The following SPOCK3 variants were observed in gnomAD, a reference collection of about 807,000 sequenced individuals.
SPOCK3 encodes the protein testican-3.
SPOCK3 carries 30 observed loss-of-function variants against 56.6 expected under a neutral mutation model. The ratio of observed to expected loss-of-function variants is 0.53; its 90% CI spans 0.40 to 0.72. SPOCK3 has a LOEUF of 0.72. Ranked by LOEUF, SPOCK3 falls within the 30% of genes least tolerant of loss-of-function variation. The pLI is 0.00. For synonymous variants in SPOCK3, 196 were observed against 183.3 expected (o/e 1.07, Z -0.56); for missense variants, 527 against 530.0 (o/e 0.99, Z 0.06).
intron 2 of SPOCK3, among the ~76,000 whole-genome samples, chr4:167,216,376 G>GA (rs139748101): frequency 6.6e-6 from 1 of 151,796 alleles, no homozygotes; most frequent in Non-Finnish European, 1.5e-5. Flanking sequence ...TATGATTTGG[G>GA]AAAAAAAATA....
chr4:166,748,256 CA>C (rs1437624353), intron 8 of SPOCK3, among the ~76,000 whole-genome samples: 1 of 137,302 alleles, frequency 7.3e-6, no homozygotes. Context: ...CTATGGTAAC[CA>C]AAACAGCATG....
At chr4:166,955,007 A>G (rs1001206580) in intron 4 of SPOCK3, among the ~76,000 whole-genome samples, 1 of 152,168 alleles carries the variant, frequency 6.6e-6, no homozygotes, top group African/African-American at 2.4e-5. Context: ...AACTTACAGT[A>G]TCTATTATAT....
At chr4:167,220,345 A>G (rs1302612342) in intron 2 of SPOCK3, among the ~76,000 whole-genome samples, 10 of 151,694 alleles carry the variant, frequency 6.6e-5, no homozygotes, top group Non-Finnish European at 1.3e-4. Flanking sequence ...GAAGATGTTA[A>G]ACTTCTAATC....
At chr4:166,795,009 T>C (rs1741776708) in intron 6 of SPOCK3, among the ~76,000 whole-genome samples, 1 of 152,154 alleles carries the variant, frequency 6.6e-6, no homozygotes, top group Non-Finnish European at 1.5e-5. Flanking sequence ...AATTGCGCTA[T>C]GTTGTGTATT....
intron 6 of SPOCK3, among the ~76,000 whole-genome samples, chr4:166,871,805 A>G (rs1225345565): frequency 6.6e-6 from 1 of 150,690 alleles, no homozygotes; most frequent in Non-Finnish European, 1.5e-5. Flanking sequence ...AAAAATATTA[A>G]TAAATTATTT....
intron 4 of SPOCK3, among the ~76,000 whole-genome samples, chr4:166,941,133 A>C (rs1741011108): frequency 6.6e-6 from 1 of 152,126 alleles, no homozygotes; most frequent in South Asian, 2.1e-4. Context: ...CAGTTAAAAC[A>C]GATTCAGGAG....
At chr4:166,867,549 T>C (rs1731971531) in intron 6 of SPOCK3, among the ~76,000 whole-genome samples, 1 of 151,722 alleles carries the variant, frequency 6.6e-6, no homozygotes, top group Non-Finnish European at 1.5e-5. Flanking sequence ...ATGAATTCCC[T>C]AATTTTGGAA....
At chr4:167,169,222 C>T (rs1213474915) in intron 2 of SPOCK3, among the ~76,000 whole-genome samples, 1 of 152,138 alleles carries the variant, frequency 6.6e-6, no homozygotes, top group Non-Finnish European at 1.5e-5. Context: ...AAGATGGCCA[C>T]TATCCTCCAG....
intron 2 of SPOCK3, among the ~76,000 whole-genome samples, chr4:167,071,782 C>T (rs1429395136): frequency 1.3e-5 from 2 of 151,996 alleles, no homozygotes; most frequent in East Asian, 1.9e-4. Flanking sequence ...GTTCTAGATC[C>T]CTGAGGAATA....
intron 3 of SPOCK3, among the ~76,000 whole-genome samples, chr4:167,049,616 C>A (rs1171724568): frequency 6.6e-6 from 1 of 152,098 alleles, no homozygotes; most frequent in African/African-American, 2.4e-5. Context: ...TCAGAAAAAT[C>A]ATGCTCTAAA....
chr4:166,927,499 C>G (rs1053076249), intron 4 of SPOCK3, among the ~76,000 whole-genome samples: 1 of 152,182 alleles, frequency 6.6e-6, no homozygotes, highest in East Asian at 1.9e-4. Flanking sequence ...TTTCCCCACT[C>G]TCAGGTATGT....
chr4:167,074,887 G>T (rs1757031248), intron 2 of SPOCK3, among the ~76,000 whole-genome samples: 1 of 151,846 alleles, frequency 6.6e-6, no homozygotes, highest in Admixed American at 6.6e-5. Context: ...ATACATAATA[G>T]TTATACATAG....
chr4:166,989,812 C>A (rs1156381605), intron 4 of SPOCK3, among the ~76,000 whole-genome samples: 1 of 152,060 alleles, frequency 6.6e-6, no homozygotes, highest in Non-Finnish European at 1.5e-5. Flanking sequence ...TGTCTTAATA[C>A]AAAAGTTTAT....
At chr4:166,817,923 GTTC>G (rs1490526720) in intron 6 of SPOCK3, among the ~76,000 whole-genome samples, 3 of 151,946 alleles carry the variant, frequency 2.0e-5, no homozygotes, top group African/African-American at 7.2e-5. Flanking sequence ...GTCTGGTCTT[GTTC>G]TTAACTCTTT....
At chr4:166,987,840 G>A (rs1170029922) in intron 4 of SPOCK3, among the ~76,000 whole-genome samples, 2 of 152,046 alleles carry the variant, frequency 1.3e-5, no homozygotes, top group African/African-American at 4.8e-5. Flanking sequence ...AAAAGCAAAT[G>A]GGAGGCAAGA....
intron 2 of SPOCK3, among the ~76,000 whole-genome samples, chr4:167,217,495 G>A (rs1268673769): frequency 6.6e-6 from 1 of 151,950 alleles, no homozygotes; most frequent in African/African-American, 2.4e-5. Context: ...TAGGTTACAT[G>A]CAAATACTAC....
At chr4:166,961,799 C>G (rs556098471) in intron 4 of SPOCK3, among the ~76,000 whole-genome samples, 1 of 151,936 alleles carries the variant, frequency 6.6e-6, no homozygotes, top group Non-Finnish European at 1.5e-5. Flanking sequence ...ACTAATAAGC[C>G]CTGGAGGAAG....
intron 2 of SPOCK3, among the ~76,000 whole-genome samples, chr4:167,121,897 T>TAAA (rs1402736660): frequency 0.012 from 1,842 of 152,198 alleles, 19 homozygotes; most frequent in Non-Finnish European, 0.018. Flanking sequence ...ATAAGTGTCA[T>TAAA]ACATAAAAAT....
chr4:166,935,132 G>A (rs1740256110), intron 4 of SPOCK3, among the ~76,000 whole-genome samples: 1 of 152,114 alleles, frequency 6.6e-6, no homozygotes, highest in Admixed American at 6.5e-5. Context: ...GCTGTGGAGG[G>A]AGTCAATCCA....
Sources: gnomAD v4.1 joint callset for allele counts (sites outside exome capture counted in the v4.1 genomes callset) on GRCh38, gnomAD v4.1.1 for gene constraint, MANE v1.5 for transcripts, NCBI Gene and HGNC (gene_info 2026-07-23, HGNC 2026-07-21) for gene names.